The following WASHC2C variants were observed in gnomAD, a reference collection of about 807,000 sequenced individuals.
The protein encoded by WASHC2C is Vaccinia Penetration Factor.
Under a neutral mutation model 142.2 loss-of-function variants are expected in WASHC2C, and 73 were observed. The observed-to-expected ratio is 0.51, with a 90% confidence interval of 0.43 to 0.62. The LOEUF is 0.62. WASHC2C is among the 20% of genes least tolerant of loss of function. The probability of loss-of-function intolerance (pLI) is 0.00; values close to 1 mark genes in which losing one functional copy is unlikely to be tolerated. For synonymous variants in WASHC2C, 337 were observed against 565.5 expected (o/e 0.60, Z 5.73); for missense variants, 969 against 1,531.7 (o/e 0.63, Z 6.13).
In WASHC2C at chr10:45,762,773, G is replaced by A. The variant is rs561851079; in HGVS notation, c.1636-615G>A. Among the ~76,000 whole-genome samples the A allele has an allele frequency of 3.3e-5, 5 of 152,172 alleles. 1 individual carries two copies. In the South Asian group the frequency reaches 1.0e-3, roughly 32 times the overall value. The stretch of plus-strand genomic sequence containing the variant: ...ACAAAAAAATTAGCCGGGCGTGGTG[G>A]CAGGCGCCTGTAGTCTCAGCTACTC... On this transcript the variant is annotated intron_variant, in intron 17 of 30. Transcript: ENST00000623400.
At chr10:45,733,863 A>G (rs1465828655) in intron 3 of WASHC2C, among the ~76,000 whole-genome samples, 2 of 152,192 alleles carry the variant, frequency 1.3e-5, no homozygotes, top group African/African-American at 4.8e-5. Context: ...CCTCAGCTTG[A>G]GGGGAGCCTC....
chr10:45,751,901 C>T (rs564954052), intron 11 of WASHC2C, among the ~76,000 whole-genome samples: 3 of 152,128 alleles, frequency 2.0e-5, no homozygotes, highest in Non-Finnish European at 2.9e-5. Flanking sequence ...CACTTGAACC[C>T]GGGAGGCAGA....
rs1347334840 is a variant in WASHC2C, at chr10:45,789,019, A to G, written c.3236A>G (p.His1079Arg). Residue 1079 changes from histidine to arginine, a missense_variant, in exon 29 of 31, where the codon CAT becomes CGT. Coordinates refer to ENST00000623400, the MANE Select transcript of WASHC2C (RefSeq NM_001330074.2). ...GATGGCGCCATTTCCCCAAATGGCCATCGGCCACAGCTCAGAGCAGCCAGT... is the reference window on the plus strand; with the variant it reads ...GATGGCGCCATTTCCCCAAATGGCCGTCGGCCACAGCTCAGAGCAGCCAGT... ...WADGAISPNG[H>R]RPQLRAASGE... 1 of 1,612,038 alleles carries G rather than the reference A, an allele frequency of 6.2e-7. No individual in the cohort carries two copies. The highest frequency in any genetic ancestry group is 8.5e-7 in the Non-Finnish European group (1 of 1,179,860).
In WASHC2C at chr10:45,754,540, T is replaced by C; in HGVS notation, c.1235T>C (p.Phe412Ser). 1 of 1,597,196 alleles carries C rather than the reference T, an allele frequency of 6.3e-7. No individual in the cohort carries two copies. ...KKIPAGAVSV[F>S]LGDTDVFGAA... ...ATCCCAGCAGGAGCTGTTTCTGTATTTTTAGGTAACATAACTTAGGTTTGT... is the reference window on the plus strand; with the variant it reads ...ATCCCAGCAGGAGCTGTTTCTGTATCTTTAGGTAACATAACTTAGGTTTGT... The change falls in exon 14 of 31, where the codon TTT (phenylalanine) becomes TCT (serine). Residue 412 changes from phenylalanine (F) to serine (S), a missense_variant. Transcript: ENST00000623400.
chr10:45,745,197 G>C (rs1171657975), intron 7 of WASHC2C, among the ~76,000 whole-genome samples: 1 of 151,734 alleles, frequency 6.6e-6, no homozygotes, highest in Non-Finnish European at 1.5e-5. Flanking sequence ...TCTCTGCCTG[G>C]GATATAGTCT....
At chr10:45,729,583 G>T (rs577826220) in intron 3 of WASHC2C, among the ~76,000 whole-genome samples, 13 of 151,732 alleles carry the variant, frequency 8.6e-5, no homozygotes, top group African/African-American at 3.2e-4. Context: ...GGAATACATA[G>T]GTAAATTAGA....
chr10:45,791,790 G>A (rs1438541446), intron 30 of WASHC2C, among the ~76,000 whole-genome samples: 4 of 146,216 alleles, frequency 2.7e-5, no homozygotes, highest in African/African-American at 1.0e-4. Flanking sequence ...AACACTAAAC[G>A]AATGCAGTGA....
At chr10:45,789,916 G>A (rs1168063057) in intron 29 of WASHC2C, among the ~76,000 whole-genome samples, 10 of 152,124 alleles carry the variant, frequency 6.6e-5, no homozygotes, top group Non-Finnish European at 1.2e-4. Flanking sequence ...GACTTTCAGT[G>A]GCATTTGCTC....
intron 16 of WASHC2C, among the ~76,000 whole-genome samples, chr10:45,758,264 G>A (rs2054578297): frequency 6.6e-6 from 1 of 152,164 alleles, no homozygotes; most frequent in African/African-American, 2.4e-5. Flanking sequence ...TTGTCACTTG[G>A]TTGTTAGGGT....
intron 17 of WASHC2C, among the ~76,000 whole-genome samples, chr10:45,759,605 G>A (rs1468115607): frequency 1.3e-5 from 2 of 152,060 alleles, no homozygotes; most frequent in Non-Finnish European, 2.9e-5. Flanking sequence ...GGATACCTGA[G>A]GTCAGGAGTT....
In WASHC2C at chr10:45,763,727, T is replaced by C. The variant is rs1190037253; in HGVS notation, c.1737+238T>C. On this transcript the variant is annotated intron_variant, in intron 18 of 30. Coordinates refer to ENST00000623400, the MANE Select transcript of WASHC2C (RefSeq NM_001330074.2). ...TGACGCAGTTCTTTTTTTTTTTTTT[T>C]CCGAGTTGGAGACTTTCTCTGTCAC... is the stretch of plus-strand genomic sequence containing the variant. Among the ~76,000 whole-genome samples, 49 of 151,388 alleles carry C rather than the reference T, an allele frequency of 3.2e-4. 1 individual carries two copies. Among genetic ancestry groups the C allele is most frequent in the African/African-American group, 1.1e-3 (44 of 40,978 alleles).
intron 4 of WASHC2C, among the ~76,000 whole-genome samples, chr10:45,739,176 C>T (rs1377199907): frequency 2.0e-5 from 3 of 151,028 alleles, no homozygotes; most frequent in Non-Finnish European, 4.4e-5. Flanking sequence ...ACAATATTAG[C>T]TATTTAACTC....
chr10:45,748,007 A>C (rs1247128724), intron 8 of WASHC2C, among the ~76,000 whole-genome samples: 8 of 115,960 alleles, frequency 6.9e-5, no homozygotes, highest in Admixed American at 4.7e-4. Context: ...TTATGCATGT[A>C]GATTTTCCTA....
chr10:45,769,787 C>CG (rs1408896615), intron 20 of WASHC2C, among the ~76,000 whole-genome samples, 169 bp downstream of exon 20: 2 of 150,860 alleles, frequency 1.3e-5, no homozygotes, highest in Non-Finnish European at 3.0e-5. Flanking sequence ...CCTCAGTACC[C>CG]GGAAATGTTT....
At chr10:45,759,484 A>G (rs369114490) in intron 17 of WASHC2C, 83 bp downstream of exon 17, 1 of 1,299,056 alleles carries the variant, frequency 7.7e-7, no homozygotes, top group East Asian at 2.6e-5. Flanking sequence ...TTTTCTCAAT[A>G]GAGTTATAAG....
intron 26 of WASHC2C, 186 bp from the exon 27 acceptor site, chr10:45,786,426 A>C (rs1394363905): frequency 1.3e-6 from 1 of 779,752 alleles, no homozygotes; most frequent in African/African-American, 1.7e-5. Flanking sequence ...TATGTGACAG[A>C]GGAGGAGGCA....
Position 45,792,910 on chromosome 10 carries a change from G to A in WASHC2C, c.*510G>A. The A allele has an allele frequency of 4.3e-6, 2 of 469,084 alleles. No individual in the cohort carries two copies. Among genetic ancestry groups the A allele is most frequent in the Admixed American group, 4.7e-5 (2 of 42,532 alleles). The allele number at this position is 469,084 out of a possible 1,614,324, so 29.1% of individuals were successfully genotyped here. A position where few individuals can be genotyped will look rare whatever the true frequency, so the allele number is the denominator to read the frequency against. On this transcript the variant is annotated 3_prime_UTR_variant, in exon 31 of 31. Coordinates refer to ENST00000623400, the MANE Select transcript of WASHC2C (RefSeq NM_001330074.2). ...CCTCCAAGGCAAAGTTTGGCAAACT[G>A]TGGCCCCCCCACTGTCATATTTTGT...
intron 3 of WASHC2C, among the ~76,000 whole-genome samples, chr10:45,734,005 G>C (rs2610494): frequency 0.048 from 7,287 of 151,304 alleles, 237 homozygotes; most frequent in African/African-American, 0.088. Context: ...GGGCGGATCA[G>C]GAGGTCAGGA....
intron 29 of WASHC2C, 27 bp from the exon 30 acceptor site, chr10:45,790,329 T>G: frequency 1.2e-6 from 2 of 1,609,690 alleles, no homozygotes; most frequent in Non-Finnish European, 1.7e-6. Flanking sequence ...TTTAACATTG[T>G]TTTGTATGTA....
Sources: allele counts gnomAD v4.1 joint callset (sites outside exome capture counted in the v4.1 genomes callset), GRCh38; gene constraint gnomAD v4.1.1; transcripts MANE v1.5; gene names NCBI Gene and HGNC (gene_info 2026-07-23, HGNC 2026-07-21).